The following LRRIQ1 variants were observed in gnomAD, a reference collection of about 807,000 sequenced individuals.
LRRIQ1 encodes leucine-rich repeat- and IQ domain-containing protein 1.
Under a neutral mutation model 211.9 loss-of-function variants are expected in LRRIQ1, and 210 were observed. That is an observed-to-expected ratio of 0.99 (90% CI 0.89 to 1.11). The LOEUF is 1.11. Ranked by LOEUF, LRRIQ1 falls within the 50% of genes most tolerant of loss-of-function variation. The pLI, the probability that LRRIQ1 is intolerant of heterozygous loss-of-function variation, is 0.00. For missense variants in LRRIQ1, 2,136 were observed against 1,939.5 expected (o/e 1.10, Z -1.90); for synonymous variants, 699 against 650.1 (o/e 1.08, Z -1.14).
Position 85,109,542 on chromosome 12 carries a change from T to TCTTTTCC in LRRIQ1, c.3377+2927_3377+2928insCTTTTCC, listed in dbSNP as rs1174423285. Among the ~76,000 whole-genome samples the TCTTTTCC allele has an allele frequency of 5.3e-5, 8 of 152,104 alleles. No individual in the cohort carries two copies. The South Asian group carries it at 6.2e-4, about 12-fold the overall frequency. The stretch of plus-strand genomic sequence containing the variant: ...AGTTTAGAAATGTCTTTTCCAAGTG[T>TCTTTTCC]ACGTTAAGCTGTGCAGCACAGATGA... On this transcript the variant is annotated intron_variant, in intron 15 of 26. Coordinates refer to ENST00000393217, the MANE Select transcript of LRRIQ1 (RefSeq NM_001079910.2).
At chr12:85,243,756 A>C (rs11116752) in intron 26 of LRRIQ1, among the ~76,000 whole-genome samples, 31,335 of 151,570 alleles carry the variant, frequency 0.21, 8,174 homozygotes, top group African/African-American at 0.62. Flanking sequence ...GTAAGTTCAT[A>C]TGTTTAAAAG....
intron 25 of LRRIQ1, among the ~76,000 whole-genome samples, chr12:85,230,265 G>T (rs1262033862): frequency 1.3e-5 from 2 of 152,180 alleles, no homozygotes; most frequent in Admixed American, 6.5e-5. Context: ...CAAAATACCA[G>T]ATTGGGTAGT....
chr12:85,115,330 T>C (rs897691036), intron 15 of LRRIQ1, among the ~76,000 whole-genome samples: 3 of 152,210 alleles, frequency 2.0e-5, no homozygotes, highest in Non-Finnish European at 4.4e-5. Flanking sequence ...TGCTCTGTTA[T>C]GCAGTTCTGA....
In LRRIQ1 at chr12:85,217,500, ATATATATATGTGTGTGTGTG is replaced by A. The variant is rs1173334420; in HGVS notation, c.4823-12015_4823-11996del. Among the ~76,000 whole-genome samples the A allele has an allele frequency of 4.9e-4, 40 of 81,550 alleles. 1 individual carries two copies. Among genetic ancestry groups the A allele is most frequent in the African/African-American group, 3.3e-3 (37 of 11,174 alleles). 53.5% of individuals were successfully genotyped at this position (81,550 alleles called of 152,430 possible). A position where few individuals can be genotyped will look rare whatever the true frequency, so the allele number is the denominator to read the frequency against. ...TATATATATATATATATGTATATAT[ATATATATATGTGTGTGTGTG>A]TGTGTGTGTGTGTGTGTGTGTGTGT... On this transcript the variant is annotated intron_variant, in intron 24 of 26. Transcript: ENST00000393217.
intron 24 of LRRIQ1, among the ~76,000 whole-genome samples, chr12:85,170,574 T>A (rs377038332): frequency 2.6e-5 from 4 of 151,322 alleles, no homozygotes; most frequent in East Asian, 1.9e-4. Context: ...ATGAGAGATA[T>A]GTATATGGTT....
intron 24 of LRRIQ1, among the ~76,000 whole-genome samples, chr12:85,206,451 G>C (rs573261842): frequency 6.6e-6 from 1 of 152,278 alleles, no homozygotes; most frequent in East Asian, 1.9e-4. Flanking sequence ...CAGCACAGTG[G>C]TGCAGTGGCA....
intron 26 of LRRIQ1, among the ~76,000 whole-genome samples, chr12:85,243,845 C>T (rs1895589550): frequency 6.6e-6 from 1 of 151,390 alleles, no homozygotes; most frequent in Non-Finnish European, 1.5e-5. Context: ...TGGATACTAG[C>T]TCCTTGAGTC....
At position 85,056,552 on chromosome 12, in the gene LRRIQ1, G is replaced by GA; in HGVS notation, c.1764dup (p.Glu589ArgfsTer12). On this transcript the variant is annotated frameshift_variant, in exon 8 of 27. Coordinates refer to ENST00000393217, the MANE Select transcript of LRRIQ1 (RefSeq NM_001079910.2). LOFTEE classifies it high-confidence loss of function. ...TCAGCAGAAAAAGATACAAAAAGTA[G>GA]AAAAAGAAGAGATACAAGAACAGAA... The GA allele has an allele frequency of 6.2e-7, 1 of 1,606,092 alleles. No homozygotes were observed. Among genetic ancestry groups the GA allele is most frequent in the South Asian group, 1.1e-5 (1 of 89,538 alleles).
At chr12:85,199,486 C>G (rs7295000) in intron 24 of LRRIQ1, among the ~76,000 whole-genome samples, 2 of 152,030 alleles carry the variant, frequency 1.3e-5, no homozygotes, top group South Asian at 4.2e-4. Flanking sequence ...TGTACCAGTT[C>G]TATGCTGTTT....
intron 18 of LRRIQ1, among the ~76,000 whole-genome samples, chr12:85,128,791 T>C (rs1394768366): frequency 6.6e-6 from 1 of 152,218 alleles, no homozygotes; most frequent in Non-Finnish European, 1.5e-5. Flanking sequence ...TAGACTTGAC[T>C]CAATCTCACC....
chr12:85,116,023 G>GTCA (rs1470095195), intron 15 of LRRIQ1, among the ~76,000 whole-genome samples: 2 of 152,154 alleles, frequency 1.3e-5, no homozygotes, highest in Admixed American at 6.5e-5. Flanking sequence ...CTAAGACACG[G>GTCA]TCATACTCTT....
chr12:85,217,216 T>C (rs1157528761), intron 24 of LRRIQ1, among the ~76,000 whole-genome samples: 1 of 151,408 alleles, frequency 6.6e-6, no homozygotes, highest in African/African-American at 2.4e-5. Flanking sequence ...TATGAACATA[T>C]AGACATATGT....
intron 18 of LRRIQ1, 22 bp from the exon 19 acceptor site, chr12:85,137,828 C>A: frequency 6.4e-7 from 1 of 1,564,632 alleles, no homozygotes; most frequent in Non-Finnish European, 8.6e-7. Context: ...CTTTGTATAA[C>A]ATACTTTACA....
intron 24 of LRRIQ1, among the ~76,000 whole-genome samples, chr12:85,195,248 G>A (rs1892832388): frequency 6.6e-6 from 1 of 151,760 alleles, no homozygotes; most frequent in Non-Finnish European, 1.5e-5. Flanking sequence ...AGAGGTACAA[G>A]GAGGAACTGG....
chr12:85,202,789 G>T (rs1893359224), intron 24 of LRRIQ1, among the ~76,000 whole-genome samples: 1 of 152,068 alleles, frequency 6.6e-6, no homozygotes, highest in Non-Finnish European at 1.5e-5. Flanking sequence ...TCCATTCTAG[G>T]TTACTATTGA....
intron 11 of LRRIQ1, among the ~76,000 whole-genome samples, chr12:85,082,116 C>G (rs1454465095): frequency 6.6e-6 from 1 of 152,082 alleles, no homozygotes; most frequent in Non-Finnish European, 1.5e-5. Flanking sequence ...GTGGGAAACT[C>G]TACTGGATTT....
intron 24 of LRRIQ1, among the ~76,000 whole-genome samples, chr12:85,203,090 C>A (rs1893380801): frequency 6.6e-6 from 1 of 152,158 alleles, no homozygotes; most frequent in Non-Finnish European, 1.5e-5. Flanking sequence ...ATAATTGTAT[C>A]ATAGTGGCAG....
chr12:85,266,785 G>A (rs1358624301), downstream of LRRIQ1, among the ~76,000 whole-genome samples: 1 of 152,172 alleles, frequency 6.6e-6, no homozygotes, highest in Non-Finnish European at 1.5e-5. Flanking sequence ...CTTGCTAGTA[G>A]TCTTTGCTGT....
intron 24 of LRRIQ1, among the ~76,000 whole-genome samples, chr12:85,225,730 A>G (rs1431049162): frequency 5.3e-5 from 8 of 152,144 alleles, no homozygotes; most frequent in African/African-American, 1.7e-4. Context: ...TGCTTCTTCT[A>G]ATATTGAAAG....
Sources: gnomAD v4.1 joint callset for allele counts (sites outside exome capture counted in the v4.1 genomes callset) on GRCh38, gnomAD v4.1.1 for gene constraint, MANE v1.5 for transcripts, NCBI Gene and HGNC (gene_info 2026-07-23, HGNC 2026-07-21) for gene names.